Variants in PALLD observed in about 807,000 individuals in gnomAD.
PALLD encodes palladin, cytoskeletal associated protein.
In PALLD, 61 loss-of-function variants were observed where a neutral mutation model predicts 123.5. The observed-to-expected ratio is 0.49, with a 90% CI of 0.40 to 0.61. The LOEUF is 0.61. PALLD is among the 20% of genes least tolerant of loss of function. The pLI, the probability that PALLD is intolerant of heterozygous loss-of-function variation, is 0.00. For synonymous variants in PALLD, 465 were observed against 496.4 expected (o/e 0.94, Z 0.84); for missense variants, 1,273 against 1,377.0 (o/e 0.92, Z 1.20).
chr4:168,811,770 TCTCTCTCACA>T (rs1180129876), intron 10 of PALLD, among the ~76,000 whole-genome samples: 1 of 101,838 alleles, frequency 9.8e-6, no homozygotes, highest in Admixed American at 1.0e-4. Flanking sequence ...TCTCTCTCTC[TCTCTCTCACA>T]CACACACACA....
intron 10 of PALLD, among the ~76,000 whole-genome samples, chr4:168,764,609 G>GA (rs1323928332): frequency 3.4e-4 from 51 of 151,914 alleles, no homozygotes; most frequent in African/African-American, 1.0e-3. Context: ...TTCTGGCTCA[G>GA]AAAAAATCCC....
intron 2 of PALLD, among the ~76,000 whole-genome samples, chr4:168,590,864 GTTTTTTT>G (rs371992201): frequency 1.0e-4 from 7 of 70,196 alleles, no homozygotes; most frequent in East Asian, 4.0e-4. Context: ...GACCTAGAAA[GTTTTTTT>G]TTTTTTTTTT....
intron 10 of PALLD, among the ~76,000 whole-genome samples, chr4:168,725,013 T>G (rs144610308): frequency 4.1e-3 from 630 of 152,374 alleles, no homozygotes; most frequent in African/African-American, 0.014. Context: ...TCTGCTCCAT[T>G]TCACAATGTT....
Position 168,685,567 on chromosome 4 carries a change from A to G in PALLD, c.1335+8A>G. On this transcript the variant is annotated splice_region_variant and intron_variant, in intron 6 of 21. Coordinates refer to ENST00000505667, the MANE Select transcript of PALLD (RefSeq NM_001166108.2). ...CCTCCTGTTTTTACAAAGGTCTGACATCTGGAAGTCTCATTCTCTGTGTTT... is the reference window on the plus strand; with the variant it reads ...CCTCCTGTTTTTACAAAGGTCTGACGTCTGGAAGTCTCATTCTCTGTGTTT... The G allele has an allele frequency of 1.9e-6, 3 of 1,577,172 alleles. No individual in the cohort carries two copies. The highest frequency in any genetic ancestry group is 2.6e-6 in the Non-Finnish European group (3 of 1,146,356).
chr4:168,784,784 C>T (rs571921358), intron 10 of PALLD, among the ~76,000 whole-genome samples: 1 of 152,142 alleles, frequency 6.6e-6, no homozygotes, highest in South Asian at 2.1e-4. Context: ...GCAGGAAGAG[C>T]GTGAAGTTGT....
chr4:168,840,678 T>G (rs1745913841), intron 10 of PALLD, among the ~76,000 whole-genome samples: 1 of 152,168 alleles, frequency 6.6e-6, no homozygotes. Flanking sequence ...ATTGAGAGAT[T>G]TTTTTAAAGC....
chr4:168,878,682 T>TGG (rs10686951), intron 10 of PALLD, among the ~76,000 whole-genome samples: 3,630 of 83,264 alleles, frequency 0.044, 126 homozygotes, highest in East Asian at 0.21. Context: ...TTAATCATTA[T>TGG]GGGGGGGGGG....
In PALLD at chr4:168,759,201, AAATATATATATATATATATATATATAT is replaced by A. The variant is rs1462954489; in HGVS notation, c.1964+47280_1964+47306del. ...TCTCAAAAAAAAAAAAAAAAAAAAAAAATATATATATATATATATATATATATATATATATATATATATAGAAACAAT... is the reference window on the plus strand; with the variant it reads ...TCTCAAAAAAAAAAAAAAAAAAAAAAATATATATATATATATAGAAACAAT... On this transcript the variant is annotated intron_variant, in intron 10 of 21. Transcript: ENST00000505667. Among the ~76,000 whole-genome samples the A allele has an allele frequency of 3.5e-4, 12 of 34,502 alleles. 2 individuals are homozygous for A. The East Asian group carries it at 7.0e-3, about 20-fold the overall frequency. 22.6% of individuals were successfully genotyped at this position (34,502 alleles called of 152,430 possible).
At chr4:168,726,852 G>A (rs906759727) in intron 10 of PALLD, among the ~76,000 whole-genome samples, 7 of 152,034 alleles carry the variant, frequency 4.6e-5, no homozygotes, top group African/African-American at 1.7e-4. Context: ...GTATCCAATA[G>A]GTAGTTTTTC....
intron 11 of PALLD, 47 bp downstream of exon 11, chr4:168,891,104 T>C (rs1754091693): frequency 6.3e-7 from 1 of 1,589,718 alleles, no homozygotes; most frequent in African/African-American, 1.3e-5. Context: ...GCTACCCACA[T>C]ACCTTTCTTC....
chr4:168,549,737 C>T (rs977968750), intron 2 of PALLD, among the ~76,000 whole-genome samples: 16 of 151,094 alleles, frequency 1.1e-4, no homozygotes, highest in Admixed American at 9.2e-4. Flanking sequence ...GTTAACCAGC[C>T]ATTAGACATT....
At chr4:168,699,299 G>A (rs1447875385) in intron 8 of PALLD, among the ~76,000 whole-genome samples, 2 of 151,972 alleles carry the variant, frequency 1.3e-5, no homozygotes, top group African/African-American at 2.4e-5. Context: ...GGCTGGTCTC[G>A]AGCTGCTGAC....
chr4:168,779,744 A>G (rs1348089503), intron 10 of PALLD, among the ~76,000 whole-genome samples: 2 of 152,126 alleles, frequency 1.3e-5, no homozygotes, highest in East Asian at 3.8e-4. Flanking sequence ...TTGACTCCAA[A>G]TAATTCCCTG....
At chr4:168,655,524 CCTT>C (rs1275836737) in intron 2 of PALLD, among the ~76,000 whole-genome samples, 2 of 152,224 alleles carry the variant, frequency 1.3e-5, no homozygotes, top group Non-Finnish European at 2.9e-5. Context: ...TGGCTGTCCT[CCTT>C]GCCCTGAGCA....
intron 2 of PALLD, among the ~76,000 whole-genome samples, chr4:168,572,002 G>C (rs1398798283): frequency 6.6e-6 from 1 of 152,116 alleles, no homozygotes; most frequent in Non-Finnish European, 1.5e-5. Context: ...CGAGGCGGAT[G>C]AATCTATTGT....
At chr4:168,551,270 T>G (rs1766702814) in intron 2 of PALLD, among the ~76,000 whole-genome samples, 1 of 152,236 alleles carries the variant, frequency 6.6e-6, no homozygotes, top group Non-Finnish European at 1.5e-5. Context: ...TTTGCTCAGG[T>G]CTTTTGCCTA....
At chr4:168,724,991 T>C (rs1206194528) in intron 10 of PALLD, among the ~76,000 whole-genome samples, 3 of 152,240 alleles carry the variant, frequency 2.0e-5, no homozygotes, top group Non-Finnish European at 4.4e-5. Flanking sequence ...CCTGGGAATG[T>C]CTGCTCTATG....
intron 15 of PALLD, among the ~76,000 whole-genome samples, chr4:168,912,860 T>C (rs1176816002): frequency 3.3e-5 from 5 of 152,208 alleles, no homozygotes; most frequent in Non-Finnish European, 5.9e-5. Context: ...AACTTCTGGC[T>C]ATCTCCCCGA....
intron 2 of PALLD, among the ~76,000 whole-genome samples, chr4:168,592,054 T>C (rs1771491646): frequency 6.7e-6 from 1 of 149,724 alleles, no homozygotes; most frequent in African/African-American, 2.5e-5. Context: ...TCGCGCTCTG[T>C]CACCCAGGCT....
Sources: allele counts gnomAD v4.1 joint callset (sites outside exome capture counted in the v4.1 genomes callset), GRCh38; gene constraint gnomAD v4.1.1; transcripts MANE v1.5; gene names NCBI Gene and HGNC (gene_info 2026-07-23, HGNC 2026-07-21).